The following AKAP13 variants were observed in gnomAD, a reference collection of about 807,000 sequenced individuals.
AKAP13 encodes A-kinase anchor protein 13.
In AKAP13, 80 loss-of-function variants were observed where a neutral mutation model predicts 264.5. The ratio of observed to expected loss-of-function variants is 0.30; its 90% CI spans 0.25 to 0.36. The LOEUF (loss-of-function observed/expected upper bound fraction) is 0.36, where lower values mean the gene tolerates loss of function less well. Ranked by LOEUF, AKAP13 falls within the 10% of genes least tolerant of loss-of-function variation. The pLI is 1.00. For synonymous variants in AKAP13, 1,380 were observed against 1,250.2 expected, an observed-to-expected ratio of 1.10 and a Z score of -2.19; for missense variants, 3,712 against 3,435.2, an observed-to-expected ratio of 1.08 and a Z score of -2.01.
At chr15:85,512,046 C>CT (rs368313483) in intron 2 of AKAP13, among the ~76,000 whole-genome samples, 65 of 147,658 alleles carry the variant, frequency 4.4e-4, no homozygotes, top group East Asian at 3.5e-3. Context: ...ATAAGACTGT[C>CT]TTTTTTTTTT....
intron 35 of AKAP13, among the ~76,000 whole-genome samples, chr15:85,741,738 A>AAC (rs1171691439): frequency 7.9e-5 from 12 of 150,994 alleles, no homozygotes; most frequent in African/African-American, 2.9e-4. Flanking sequence ...ACAAAAAAAA[A>AAC]AAACAGTTTT....
At chr15:85,719,672 A>C (rs1196803361) in intron 23 of AKAP13, among the ~76,000 whole-genome samples, 1 of 152,188 alleles carries the variant, frequency 6.6e-6, no homozygotes, top group Non-Finnish European at 1.5e-5. Context: ...ACAGTGGCTC[A>C]TGCCTGTAAT....
chr15:85,437,863 C>G (rs1362373779), intron 1 of AKAP13, among the ~76,000 whole-genome samples: 1 of 151,420 alleles, frequency 6.6e-6, no homozygotes, highest in Non-Finnish European at 1.5e-5. Context: ...CAATATCATA[C>G]TGAATGGGCA....
chr15:85,646,420 C>CT (rs912810422), intron 10 of AKAP13, among the ~76,000 whole-genome samples: 2 of 152,154 alleles, frequency 1.3e-5, no homozygotes, highest in Non-Finnish European at 2.9e-5. Context: ...GAGCGAGACT[C>CT]TGTCTCCAAA....
chr15:85,737,983 A>G (rs1359643454), intron 33 of AKAP13, among the ~76,000 whole-genome samples: 1 of 152,206 alleles, frequency 6.6e-6, no homozygotes. Flanking sequence ...TTTAGTTACA[A>G]GAATCAGGGT....
intron 14 of AKAP13, among the ~76,000 whole-genome samples, chr15:85,670,067 C>A (rs147893868): frequency 6.6e-6 from 1 of 152,272 alleles, no homozygotes; most frequent in East Asian, 1.9e-4. Context: ...GGGCATGAAT[C>A]TGACACACTT....
At chr15:85,735,678 G>A (rs1784276913) in intron 32 of AKAP13, 48 bp downstream of exon 32, 1 of 1,531,464 alleles carries the variant, frequency 6.5e-7, no homozygotes, top group Non-Finnish European at 8.9e-7. Context: ...ACTTTCCTCT[G>A]AATTCATAAC....
intron 1 of AKAP13, among the ~76,000 whole-genome samples, chr15:85,432,379 A>AT (rs2073063358): frequency 6.6e-6 from 1 of 152,066 alleles, no homozygotes; most frequent in African/African-American, 2.4e-5. Context: ...AAAAAAAAAA[A>AT]GTCGATTCAG....
At chr15:85,415,300 A>C in intron 1 of AKAP13, 5 of 1,578,240 alleles carry the variant, frequency 3.2e-6, no homozygotes, top group Admixed American at 1.7e-5. Flanking sequence ...TATGTGAAGG[A>C]GCTAGGAGTG....
rs575476752 is a variant in AKAP13, at chr15:85,406,402, T to TC, written c.-12+25604_-12+25605insC. On this transcript the variant is annotated intron_variant, in intron 1 of 36. Coordinates refer to ENST00000394518, the MANE Select transcript of AKAP13 (RefSeq NM_007200.5). ...GACCTTAGACTAGAAAATAGTTTTTTTTTTTGTTTTTTTTTTGGAGCTGCA... is the reference window on the plus strand; with the variant it reads ...GACCTTAGACTAGAAAATAGTTTTTTCTTTTTGTTTTTTTTTTGGAGCTGCA... Among the ~76,000 whole-genome samples, 71 of 151,226 alleles carry TC rather than the reference T, an allele frequency of 4.7e-4. 1 individual carries two copies. The highest frequency in any genetic ancestry group is 6.9e-4 in the Non-Finnish European group (47 of 67,874).
chr15:85,744,198 C>G (rs2089277287), intron 36 of AKAP13: 1 of 300,732 alleles, frequency 3.3e-6, no homozygotes, highest in Non-Finnish European at 6.2e-6. Flanking sequence ...GAAGTTGGCA[C>G]TGCTAACCCC....
chr15:85,609,957 G>A (rs2080527759), intron 8 of AKAP13, among the ~76,000 whole-genome samples: 1 of 152,018 alleles, frequency 6.6e-6, no homozygotes, highest in Non-Finnish European at 1.5e-5. Context: ...TACCCAAGCT[G>A]TCTTGTGTTT....
chr15:85,553,307 T>C lies in AKAP13; in HGVS notation c.662+9352T>C, dbSNP rs542506660. On this transcript the variant is annotated intron_variant, in intron 5 of 36. Coordinates refer to ENST00000394518, the MANE Select transcript of AKAP13 (RefSeq NM_007200.5). ...TTCACCATATTAACCAGGCTGGTCT[T>C]GAACTCCTGACCTCAGGTGATCCGC... Among the ~76,000 whole-genome samples, 5 of 152,154 alleles carry C rather than the reference T, an allele frequency of 3.3e-5. No homozygotes were observed. The South Asian group carries it at 1.0e-3, about 32-fold the overall frequency.
At chr15:85,691,541 A>C (rs922199378) in intron 16 of AKAP13, among the ~76,000 whole-genome samples, 3 of 152,166 alleles carry the variant, frequency 2.0e-5, no homozygotes, top group African/African-American at 7.2e-5. Flanking sequence ...TTGAGGCTTG[A>C]TGTCATATGA....
At chr15:85,737,353 T>G (rs2088616655) in intron 33 of AKAP13, among the ~76,000 whole-genome samples, 1 of 152,218 alleles carries the variant, frequency 6.6e-6, no homozygotes, top group African/African-American at 2.4e-5. Context: ...ATCTTCAGAT[T>G]ACTGCCATCT....
chr15:85,579,320 T>C lies in AKAP13; in HGVS notation c.1252T>C (p.Cys418Arg). ...GVKGTEGLSS[C>R]GNRNEETGTK... ...AAAGGGCACGGAAGGCCTTTCGTCCTGTGGAAACAGAAATGAAGAAACTGG... is the reference window on the plus strand; with the variant it reads ...AAAGGGCACGGAAGGCCTTTCGTCCCGTGGAAACAGAAATGAAGAAACTGG... Residue 418 changes from cysteine (C) to arginine (R), a missense_variant, in exon 7 of 37, where the codon TGT becomes CGT. Coordinates refer to ENST00000394518, the MANE Select transcript of AKAP13 (RefSeq NM_007200.5). 6.2e-7 allele frequency: 1 copy of C among 1,614,228 alleles called. No homozygotes were observed. The highest frequency in any genetic ancestry group is 8.5e-7 in the Non-Finnish European group (1 of 1,180,042).
intron 1 of AKAP13, among the ~76,000 whole-genome samples, chr15:85,405,423 A>G (rs943525293): frequency 1.1e-4 from 16 of 152,336 alleles, no homozygotes; most frequent in South Asian, 8.3e-4. Context: ...TGATTTTACT[A>G]TGGACCGGGT....
intron 10 of AKAP13, among the ~76,000 whole-genome samples, chr15:85,647,063 G>A (rs1291310345): frequency 2.0e-5 from 3 of 152,208 alleles, no homozygotes; most frequent in African/African-American, 7.2e-5. Flanking sequence ...TGTGTTAGTG[G>A]GTGATTAGGT....
rs138165919 is a variant in AKAP13 at position 85,467,590 on chromosome 15, C to T, written c.-11-18120C>T. Among the ~76,000 whole-genome samples, 45 of 152,250 alleles carry T rather than the reference C, an allele frequency of 3.0e-4. 1 individual carries two copies. The East Asian group carries it at 8.5e-3, about 29-fold the overall frequency. On this transcript the variant is annotated intron_variant, in intron 1 of 36. Coordinates refer to ENST00000394518, the MANE Select transcript of AKAP13 (RefSeq NM_007200.5). The stretch of plus-strand genomic sequence containing the variant: ...CCTCTCTGCAGCCTTCCTGACCATC[C>T]TTTCTTTCCTAGGTAGAATTGGCCA...
Sources: allele counts gnomAD v4.1 joint callset (sites outside exome capture counted in the v4.1 genomes callset), GRCh38; gene constraint gnomAD v4.1.1; transcripts MANE v1.5; gene names NCBI Gene and HGNC (gene_info 2026-07-23, HGNC 2026-07-21).